The following MYO18A variants were observed in gnomAD, a reference collection of about 807,000 sequenced individuals.
The protein encoded by MYO18A is myosin XVIIIA.
A neutral mutation model predicts 235.8 loss-of-function variants in MYO18A; 78 were observed. That is an observed-to-expected ratio of 0.33 (90% CI 0.28 to 0.40). The LOEUF (loss-of-function observed/expected upper bound fraction) is 0.40. Among genes scored for constraint, MYO18A ranks in the 10% least tolerant of loss-of-function variants. The probability of loss-of-function intolerance (pLI) is 1.00; values close to 1 mark genes in which losing one functional copy is unlikely to be tolerated. For synonymous variants in MYO18A, 977 were observed against 1,077.8 expected (o/e 0.91, Z 1.83); for missense variants, 2,215 against 2,699.3 (o/e 0.82, Z 3.98).
rs531427039 is a variant in MYO18A at position 29,167,554 on chromosome 17, A to T, written c.-81-533T>A. On this transcript the variant is annotated intron_variant, in intron 1 of 41. Coordinates refer to ENST00000527372, the MANE Select transcript of MYO18A (RefSeq NM_078471.4). ...CAGTGAGACCCTATCTCTAAAAAAA[A>T]TTTTAAAAATTAGCCAGGCATGCTG... 7.7e-4 allele frequency among the ~76,000 whole-genome samples: 117 copies of T among 152,286 alleles called. 1 individual carries two copies. The highest frequency in any genetic ancestry group is 2.6e-3 in the African/African-American group (108 of 41,550).
chr17:29,176,567 C>CT (rs1352103506), intron 1 of MYO18A: 1 of 152,010 alleles, frequency 6.6e-6, no homozygotes, highest in Non-Finnish European at 1.5e-5. Context: ...CCCTTGGCCT[C>CT]TGACCTCCCT....
At chr17:29,170,981 T>C (rs555747763) in intron 1 of MYO18A, among the ~76,000 whole-genome samples, 8 of 152,192 alleles carry the variant, frequency 5.3e-5, no homozygotes, top group African/African-American at 2.4e-5. Context: ...AGAGCACATA[T>C]GGGTATGATT....
intron 34 of MYO18A, chr17:29,091,811 T>C (rs1435344936): frequency 7.9e-6 from 3 of 378,580 alleles, no homozygotes; most frequent in South Asian, 5.7e-5. Context: ...GGACCAGTGA[T>C]GCTCAAGGAG....
Position 29,087,017 on chromosome 17 carries a change from C to A in MYO18A, c.5631G>T (p.Gln1877His). 1 of 1,614,054 alleles carries A rather than the reference C, an allele frequency of 6.2e-7. No homozygotes were observed. The highest frequency in any genetic ancestry group is 8.5e-7 in the Non-Finnish European group (1 of 1,179,900). The change falls in exon 38 of 42, where the codon CAG (glutamine) becomes CAT (histidine). Residue 1877 changes from glutamine to histidine, a missense_variant. Transcript: ENST00000527372. ...CCTCCTTGGTGTCCCGGAGCTGCCT[C>A]TGTAGCCGCTTGTTCTGTTCCTTCT... The part of the protein sequence containing the change: ...NREKEQNKRL[Q>H]RQLRDTKEEM...
chr17:29,103,091 G>A (rs186862436), intron 21 of MYO18A, among the ~76,000 whole-genome samples: 27 of 152,360 alleles, frequency 1.8e-4, no homozygotes, highest in South Asian at 1.2e-3. Context: ...TGCATTTTAC[G>A]CATGGCGTTC....
Position 29,115,388 on chromosome 17 carries a change from T to G in MYO18A, c.2281A>C (p.Ser761Arg), listed in dbSNP as rs777054447. Residue 761 changes from serine to arginine, a missense_variant, in exon 13 of 42, where the codon AGC becomes CGC. Ser to Arg is a moderately radical substitution (Grantham distance 110). Transcript: ENST00000527372. ...CLEGMAAGLYSELFTLLVSLV... is the reference protein window; with the variant it reads ...CLEGMAAGLYRELFTLLVSLV... ...GAGACGAGAAGGGTGAAGAGCTCGC[T>G]GTAGAGGCCGGCCGCCATGCCCTCA... 1 of 1,613,946 alleles carries G rather than the reference T, an allele frequency of 6.2e-7. No individual in the cohort carries two copies. Among genetic ancestry groups the G allele is most frequent in the South Asian group, 1.1e-5 (1 of 91,086 alleles).
Position 29,122,038 on chromosome 17 carries a change from C to A in MYO18A, c.1088-81G>T, listed in dbSNP as rs928860702. On this transcript the variant is annotated intron_variant, in intron 3 of 41. Coordinates refer to ENST00000527372, the MANE Select transcript of MYO18A (RefSeq NM_078471.4). ...TTGGGAACTTCTCGGTCCTATCCTC[C>A]CCCCCACTGCATCACCAGCCTCTCC... is the stretch of plus-strand genomic sequence containing the variant. The A allele has an allele frequency of 6.5e-6, 10 of 1,531,636 alleles. No homozygotes were observed. In the African/African-American group the frequency reaches 1.2e-4, roughly 19 times the overall value. 94.9% of individuals were successfully genotyped at this position (1,531,636 alleles called of 1,614,324 possible).
intron 2 of MYO18A, among the ~76,000 whole-genome samples, chr17:29,135,030 G>A (rs1260030490): frequency 6.6e-6 from 1 of 152,048 alleles, no homozygotes; most frequent in African/African-American, 2.4e-5. Flanking sequence ...GTCAGAATCT[G>A]CCTCAGTCCA....
At chr17:29,165,156 G>T (rs1804619299) in intron 2 of MYO18A, among the ~76,000 whole-genome samples, 1 of 152,186 alleles carries the variant, frequency 6.6e-6, no homozygotes, top group Admixed American at 6.5e-5. Flanking sequence ...GCAAGAGGAG[G>T]CTCTGGCCTG....
intron 30 of MYO18A, 85 bp downstream of exon 30, chr17:29,094,565 C>T (rs1598291204): frequency 1.5e-6 from 2 of 1,377,290 alleles, no homozygotes; most frequent in Non-Finnish European, 2.1e-6. Flanking sequence ...GAGGCAGGAT[C>T]CTCTGGCCCA....
chr17:29,165,180 C>T (rs1194621704), intron 2 of MYO18A, among the ~76,000 whole-genome samples: 1 of 152,188 alleles, frequency 6.6e-6, no homozygotes, highest in African/African-American at 2.4e-5. Context: ...TCATCTTTCC[C>T]AAAGATATAA....
intron 38 of MYO18A, 143 bp from the exon 39 acceptor site, chr17:29,086,720 TGCTGCTGG>T: frequency 8.0e-7 from 1 of 1,256,098 alleles, no homozygotes; most frequent in Non-Finnish European, 1.1e-6. Flanking sequence ...TCCGCTCTGT[TGCTGCTGG>T]GCTGTGGGGT....
chr17:29,099,107 A>T (rs763042156), intron 22 of MYO18A, 138 bp from the exon 23 acceptor site: 10 of 1,096,468 alleles, frequency 9.1e-6, no homozygotes, highest in Non-Finnish European at 1.3e-5. Context: ...GATACTTCTC[A>T]TGCTCCCCCT....
chr17:29,090,770 T>C (rs751148914), intron 35 of MYO18A, 40 bp downstream of exon 35: 1 of 1,582,780 alleles, frequency 6.3e-7, no homozygotes, highest in South Asian at 1.1e-5. Flanking sequence ...ACAAGGATGG[T>C]GACGGTGCAG....
chr17:29,123,361 G>A (rs1206143438), intron 2 of MYO18A, among the ~76,000 whole-genome samples: 1 of 152,218 alleles, frequency 6.6e-6, no homozygotes, highest in African/African-American at 2.4e-5. Context: ...CTACACTCTC[G>A]GAGGGCCCCA....
chr17:29,128,490 TG>T, intron 2 of MYO18A: 1 of 1,287,638 alleles, frequency 7.8e-7, no homozygotes. Flanking sequence ...ATCGGGCTGG[TG>T]GGAGGCTGAG....
chr17:29,095,161 G>T (rs568353066), intron 28 of MYO18A, 102 bp from the exon 29 acceptor site: 66 of 1,431,098 alleles, frequency 4.6e-5, no homozygotes, highest in Non-Finnish European at 5.7e-5. Flanking sequence ...AAGCAGGGGT[G>T]GGGGGACCCA....
chr17:29,134,072 C>G, intron 2 of MYO18A: 1 of 253,688 alleles, frequency 3.9e-6, no homozygotes, highest in Admixed American at 4.9e-5. Flanking sequence ...GCACTCCCTA[C>G]CCTTGGAAGC....
intron 40 of MYO18A, among the ~76,000 whole-genome samples, chr17:29,084,186 G>A (rs150557973): frequency 6.6e-6 from 1 of 152,320 alleles, no homozygotes; most frequent in African/African-American, 2.4e-5. Context: ...ACCAGTGTGT[G>A]TGAGTGTGTG....
Sources: gnomAD v4.1 joint callset for allele counts (sites outside exome capture counted in the v4.1 genomes callset) on GRCh38, gnomAD v4.1.1 for gene constraint, MANE v1.5 for transcripts, NCBI Gene and HGNC (gene_info 2026-07-23, HGNC 2026-07-21) for gene names.